The following TRIM48 variants were observed in gnomAD, a reference collection of about 807,000 sequenced individuals.
TRIM48 encodes tripartite motif containing 48.
TRIM48 carries 31 observed loss-of-function variants against 29.5 expected under a neutral mutation model. That is an observed-to-expected ratio of 1.05 (90% CI 0.79 to 1.42). TRIM48 has a LOEUF of 1.42. Ranked by LOEUF, TRIM48 falls within the 40% of genes most tolerant of loss-of-function variation. The pLI, the probability that TRIM48 is intolerant of heterozygous loss-of-function variation, is 0.00. For missense variants in TRIM48, 344 were observed against 265.0 expected (o/e 1.30, Z -2.07); for synonymous variants, 128 against 90.6 (o/e 1.41, Z -2.34).
intron 3 of TRIM48, among the ~76,000 whole-genome samples, chr11:55,266,162 C>T (rs1334158414): frequency 1.4e-5 from 2 of 147,142 alleles, no homozygotes; most frequent in Non-Finnish European, 3.0e-5. Flanking sequence ...CTAGGGCAAC[C>T]ATGAAATTAA....
intron 4 of TRIM48, 76 bp downstream of exon 4, chr11:55,268,448 G>A: frequency 7.3e-7 from 1 of 1,373,210 alleles, no homozygotes; most frequent in Non-Finnish European, 1.0e-6. Context: ...CCAAAGTCAT[G>A]GCATAAACGA....
At position 55,266,043 on chromosome 11, in the gene TRIM48, G is replaced by T. The variant is rs902701480; in HGVS notation, c.555+348G>T. The stretch of plus-strand genomic sequence containing the variant: ...AAGAGTTATTTGGCAGTCATGGAAA[G>T]CTCAAGTGAACCTTCTGAGCCTGGG... On this transcript the variant is annotated intron_variant, in intron 3 of 5. Coordinates refer to ENST00000417545, the MANE Select transcript of TRIM48 (RefSeq NM_024114.5). 2.0e-5 allele frequency among the ~76,000 whole-genome samples: 3 copies of T among 147,552 alleles called. 1 individual carries two copies. The highest frequency in any genetic ancestry group is 5.0e-5 in the African/African-American group (2 of 40,334).
At chr11:55,268,848 C>T (rs1342768289) in intron 4 of TRIM48, among the ~76,000 whole-genome samples, 1 of 148,030 alleles carries the variant, frequency 6.8e-6, no homozygotes, top group Non-Finnish European at 1.5e-5. Context: ...CTGCCTAGGA[C>T]AAGTTTCACA....
In TRIM48 at chr11:55,268,456, C is replaced by A. The variant is rs551084259; in HGVS notation, c.578+84C>A. The A allele has an allele frequency of 1.1e-5, 15 of 1,319,558 alleles. 1 individual carries two copies. In the South Asian group the frequency reaches 1.8e-4, roughly 16 times the overall value. The allele number at this position is 1,319,558 out of a possible 1,614,324, so 81.7% of individuals were successfully genotyped here. On this transcript the variant is annotated intron_variant, in intron 4 of 5. Coordinates refer to ENST00000417545, the MANE Select transcript of TRIM48 (RefSeq NM_024114.5). ...GGCTCTACCAAAGTCATGGCATAAA[C>A]GATTAAGATATTGATACTATTTTTT... is the stretch of plus-strand genomic sequence containing the variant.
In TRIM48 at chr11:55,270,303, G is replaced by T. The variant is rs1048416633; in HGVS notation, c.*2-134G>T. 5.0e-5 allele frequency: 34 copies of T among 679,546 alleles called. 2 individuals are homozygous for T. The Admixed American group carries it at 6.4e-4, about 13-fold the overall frequency. 42.1% of individuals were successfully genotyped at this position (679,546 alleles called of 1,614,324 possible). A position where few individuals can be genotyped will look rare whatever the true frequency, so the allele number is the denominator to read the frequency against. ...CTCTATACTTTATTAGAAGTTACAA[G>T]CAAAAGTGTCCTTGTGACTTTACGT... On this transcript the variant is annotated intron_variant, in intron 5 of 5. Coordinates refer to ENST00000417545, the MANE Select transcript of TRIM48 (RefSeq NM_024114.5).
At position 55,270,944 on chromosome 11, in the gene TRIM48, C is replaced by G. The variant is rs1222785101; in HGVS notation, c.*509C>G. The G allele has an allele frequency of 1.9e-6, 3 of 1,556,112 alleles. No individual in the cohort carries two copies. Among genetic ancestry groups the G allele is most frequent in the Non-Finnish European group, 2.6e-6 (3 of 1,146,450 alleles). On this transcript the variant is annotated 3_prime_UTR_variant, in exon 6 of 6. Transcript: ENST00000417545. ...TTCTGTATTCTCCTCTGACCAGAGA[C>G]AAATCAGAAATGTGTTCATCTGCTG...
chr11:55,270,815 T>A lies in TRIM48; in HGVS notation c.*380T>A, dbSNP rs1468944386. 1.9e-6 allele frequency: 3 copies of A among 1,574,812 alleles called. No homozygotes were observed. Among genetic ancestry groups the A allele is most frequent in the Non-Finnish European group, 2.6e-6 (3 of 1,158,216 alleles). On this transcript the variant is annotated 3_prime_UTR_variant, in exon 6 of 6. Transcript: ENST00000417545. ...CCTACCAACCATGTAGAATTATTCC[T>A]GGATTGTGAAGCTAGAACTGTGAGC...
chr11:55,269,339 G>A lies in TRIM48; in HGVS notation c.*1G>A, dbSNP rs1461696263. 1 of 1,573,936 alleles carries A rather than the reference G, an allele frequency of 6.4e-7. No homozygotes were observed. The highest frequency in any genetic ancestry group is 8.6e-7 in the Non-Finnish European group (1 of 1,165,738). On this transcript the variant is annotated splice_region_variant and 3_prime_UTR_variant, in exon 5 of 6. Coordinates refer to ENST00000417545, the MANE Select transcript of TRIM48 (RefSeq NM_024114.5). ...GAGGGACAGGCTCAACCAATTCTGA[G>A]GTAAGTCTCCACCCACAGGCAGCAC...
At chr11:55,265,766 C>G in intron 3 of TRIM48, 71 bp downstream of exon 3, 2 of 1,232,836 alleles carry the variant, frequency 1.6e-6, no homozygotes, top group Non-Finnish European at 2.2e-6. Flanking sequence ...AAAATAGGAA[C>G]TTGATATCAA....
chr11:55,267,594 G>A, intron 3 of TRIM48: 2 of 1,563,250 alleles, frequency 1.3e-6, no homozygotes, highest in Non-Finnish European at 1.7e-6. Context: ...AATGTAAGCG[G>A]AGCTGATGAA....
Position 55,271,080 on chromosome 11 carries a change from T to C in TRIM48, c.*645T>C. On this transcript the variant is annotated 3_prime_UTR_variant, in exon 6 of 6. Transcript: ENST00000417545. ...TTCTAATGTTATTAAAACTCATTTA[T>C]TGTGTTACTATTAAATGTAGTAAAA... 3.6e-6 allele frequency: 4 copies of C among 1,125,562 alleles called. No individual in the cohort carries two copies. The highest frequency in any genetic ancestry group is 3.4e-5 in the East Asian group (1 of 29,840). The allele number at this position is 1,125,562 out of a possible 1,614,324, so 69.7% of individuals were successfully genotyped here.
intron 4 of TRIM48, among the ~76,000 whole-genome samples, chr11:55,268,741 T>G (rs1857431710): frequency 1.4e-5 from 2 of 147,672 alleles, no homozygotes; most frequent in African/African-American, 5.0e-5. Context: ...CCTATACACA[T>G]ATCAGTTAAC....
rs114021094 is a variant in TRIM48 at position 55,263,295 on chromosome 11, C to T, written c.44+984C>T. Among the ~76,000 whole-genome samples, 1,388 of 152,138 alleles carry T rather than the reference C, an allele frequency of 9.1e-3. 20 individuals are homozygous for T. Among genetic ancestry groups the T allele is most frequent in the African/African-American group, 0.032 (1,330 of 41,492 alleles). ...AGGAGCAATAGGCTGTACTGTATAC[C>T]ATAGGTTTGTAGCAGGCTATACCAT... On this transcript the variant is annotated intron_variant, in intron 1 of 5. Coordinates refer to ENST00000417545, the MANE Select transcript of TRIM48 (RefSeq NM_024114.5).
intron 3 of TRIM48, among the ~76,000 whole-genome samples, chr11:55,265,972 C>T (rs1857386148): frequency 6.8e-6 from 1 of 147,312 alleles, no homozygotes; most frequent in Non-Finnish European, 1.5e-5. Flanking sequence ...GAAACTGGGC[C>T]ATCTCACAGC....
At position 55,269,337 on chromosome 11, in the gene TRIM48, G is replaced by A. The variant is rs1857442776; in HGVS notation, c.674G>A (p.Ter225=). The A allele has an allele frequency of 8.9e-6, 14 of 1,574,164 alleles. 1 individual carries two copies. The highest frequency in any genetic ancestry group is 1.2e-5 in the Non-Finnish European group (14 of 1,165,810). Residue 225 remains the stop codon, a splice_region_variant and stop_retained_variant, in exon 5 of 6, where the codon TGA becomes TAA. Coordinates refer to ENST00000417545, the MANE Select transcript of TRIM48 (RefSeq NM_024114.5). ...CTGAGGGACAGGCTCAACCAATTCT[G>A]AGGTAAGTCTCCACCCACAGGCAGC... ...TGLRDRLNQF[*]
chr11:55,267,650 C>A lies in TRIM48; in HGVS notation c.556-700C>A, dbSNP rs141048157. 7.4e-5 allele frequency: 116 copies of A among 1,565,172 alleles called. 16 individuals carry two copies. The Admixed American group carries it at 2.0e-3, about 27-fold the overall frequency. On this transcript the variant is annotated intron_variant, in intron 3 of 5. Coordinates refer to ENST00000417545, the MANE Select transcript of TRIM48 (RefSeq NM_024114.5). ...TGGAGCTACTTCAGGTACAAACTCG[C>A]AATGTGGTTTCAGGTTTTTGACTAT...
chr11:55,268,319 C>T, intron 3 of TRIM48, 31 bp from the exon 4 acceptor site: 8 of 1,505,520 alleles, frequency 5.3e-6, no homozygotes, highest in Non-Finnish European at 7.2e-6. Flanking sequence ...TTGTGAACTG[C>T]ACTAAATCTT....
chr11:55,262,397 A>T (rs1422839156), intron 1 of TRIM48, 86 bp downstream of exon 1: 1 of 919,252 alleles, frequency 1.1e-6, no homozygotes, highest in Admixed American at 2.0e-5. Context: ...TCATTATCTT[A>T]AATCTACACA....
intron 1 of TRIM48, among the ~76,000 whole-genome samples, chr11:55,263,417 C>T (rs1460071405): frequency 6.6e-6 from 1 of 151,984 alleles, no homozygotes; most frequent in African/African-American, 2.4e-5. Context: ...CTTTTGGAGG[C>T]CGTGGCAGGC....
Sources: allele counts gnomAD v4.1 joint callset (sites outside exome capture counted in the v4.1 genomes callset), GRCh38; gene constraint gnomAD v4.1.1; transcripts MANE v1.5; gene names NCBI Gene and HGNC (gene_info 2026-07-23, HGNC 2026-07-21).